Variants in CRACDL observed in about 807,000 individuals in gnomAD.
The protein encoded by CRACDL is CRACD like, also known as CRACD-like protein.
A neutral mutation model predicts 70.6 loss-of-function variants in CRACDL; 26 were observed. The observed-to-expected ratio is 0.37, with a 90% CI of 0.27 to 0.51. The LOEUF (loss-of-function observed/expected upper bound fraction) is 0.51, where lower values mean the gene tolerates loss of function less well. CRACDL is among the 20% of genes least tolerant of loss of function. CRACDL has a pLI of 0.94. For synonymous variants in CRACDL, 618 were observed against 615.2 expected (o/e 1.00, Z -0.07); for missense variants, 1,283 against 1,376.9 (o/e 0.93, Z 1.08).
At chr2:98,912,728 C>G (rs1156672931) in intron 1 of CRACDL, 3 of 152,518 alleles carry the variant, frequency 2.0e-5, no homozygotes, top group Non-Finnish European at 4.4e-5. Context: ...CAAGCCCACG[C>G]TGCACATGCT....
At position 98,823,256 on chromosome 2, in the gene CRACDL, C is replaced by T. The variant is rs1418821500; in HGVS notation, c.1017G>A (p.Pro339=). ...GEDPSSRPAT[P]ELAEPESAPT... is the part of the protein sequence containing the mutation. ...GGGCCGACTCGGGCTCGGCGAGCTCCGGGGTGGCCGGGCGGCTTGAGGGGT... is the reference window on the plus strand; with the variant it reads ...GGGCCGACTCGGGCTCGGCGAGCTCTGGGGTGGCCGGGCGGCTTGAGGGGT... The change falls in exon 7 of 10, where the codon CCG becomes CCA. Residue 339 remains proline, a synonymous_variant. Transcript: ENST00000397899. This position sits in a 1 kb window ranked among gnomAD's most constrained non-coding sequence, Gnocchi z 4.0. 1.4e-6 allele frequency: 2 copies of T among 1,405,280 alleles called. No individual in the cohort carries two copies. The highest frequency in any genetic ancestry group is 1.5e-5 in the African/African-American group (1 of 65,558). 87.1% of individuals were successfully genotyped at this position (1,405,280 alleles called of 1,614,324 possible).
chr2:98,921,746 T>C (rs1473565756), intron 1 of CRACDL, among the ~76,000 whole-genome samples: 1 of 152,204 alleles, frequency 6.6e-6, no homozygotes, highest in Non-Finnish European at 1.5e-5. Flanking sequence ...GAACAGCCTC[T>C]GTCTGAGGTG....
chr2:98,876,360 C>G (rs948446258), intron 1 of CRACDL, among the ~76,000 whole-genome samples: 1 of 151,990 alleles, frequency 6.6e-6, no homozygotes, highest in African/African-American at 2.4e-5. Context: ...CCCCTTGGGC[C>G]GTGGACTGGT....
At chr2:98,837,163 G>T in intron 3 of CRACDL, among the ~76,000 whole-genome samples, 1 of 144,292 alleles carries the variant, frequency 6.9e-6, no homozygotes, top group Admixed American at 7.1e-5. Flanking sequence ...TACATTCCCT[G>T]CTAGCACCAA....
At chr2:98,921,816 G>T (rs1052106198) in intron 1 of CRACDL, among the ~76,000 whole-genome samples, 2 of 152,008 alleles carry the variant, frequency 1.3e-5, no homozygotes, top group Non-Finnish European at 2.9e-5. Flanking sequence ...CCAAGCCACC[G>T]GCCAGCCCCT....
chr2:98,835,215 A>AT (rs1438327872), intron 3 of CRACDL, among the ~76,000 whole-genome samples: 1 of 152,228 alleles, frequency 6.6e-6, no homozygotes, highest in Non-Finnish European at 1.5e-5. Flanking sequence ...TTAATGGTTA[A>AT]TTTTTCTCTT....
chr2:98,809,229 T>G (rs1261763377), intron 7 of CRACDL, among the ~76,000 whole-genome samples: 1 of 151,830 alleles, frequency 6.6e-6, no homozygotes, highest in African/African-American at 2.4e-5. Context: ...AGTAGGGAGA[T>G]CAGCAGGACT....
intron 1 of CRACDL, among the ~76,000 whole-genome samples, chr2:98,858,917 A>G (rs1706822327): frequency 6.6e-6 from 1 of 152,230 alleles, no homozygotes; most frequent in African/African-American, 2.4e-5. Flanking sequence ...CTAGAAAGAC[A>G]CAAACTACTG....
intron 7 of CRACDL, among the ~76,000 whole-genome samples, chr2:98,803,605 T>C (rs763072851): frequency 6.7e-4 from 102 of 152,386 alleles, no homozygotes; most frequent in Non-Finnish European, 1.3e-3. Context: ...CTTCATACTT[T>C]GGCATATGCT....
intron 1 of CRACDL, among the ~76,000 whole-genome samples, chr2:98,912,400 G>A (rs953320105): frequency 1.2e-4 from 19 of 152,308 alleles, no homozygotes; most frequent in African/African-American, 4.6e-4. Context: ...GCTCACACCT[G>A]TCTGCCACTC....
chr2:98,913,759 A>G (rs976168138), intron 1 of CRACDL, among the ~76,000 whole-genome samples: 1 of 152,198 alleles, frequency 6.6e-6, no homozygotes, highest in African/African-American at 2.4e-5. Context: ...GAGCCTCCCC[A>G]GTCGTTAGAA....
chr2:98,928,737 A>G (rs1708994941), intron 1 of CRACDL, among the ~76,000 whole-genome samples: 1 of 152,228 alleles, frequency 6.6e-6, no homozygotes, highest in Non-Finnish European at 1.5e-5. Flanking sequence ...AACACTGGCC[A>G]AGCCTCACAA....
intron 7 of CRACDL, among the ~76,000 whole-genome samples, chr2:98,811,684 T>C (rs1226574222): frequency 6.6e-6 from 1 of 152,142 alleles, no homozygotes; most frequent in Non-Finnish European, 1.5e-5. Context: ...TTCCTTCCCC[T>C]ATGTAACCAG....
chr2:98,872,058 C>G (rs917405136), intron 1 of CRACDL, among the ~76,000 whole-genome samples: 1 of 152,160 alleles, frequency 6.6e-6, no homozygotes, highest in African/African-American at 2.4e-5. Context: ...CTAAGTGAAA[C>G]AACTCAGAAT....
intron 1 of CRACDL, among the ~76,000 whole-genome samples, chr2:98,910,522 A>ACACAGC (rs1708522035): frequency 1.6e-3 from 5 of 3,212 alleles, no homozygotes; most frequent in Non-Finnish European, 3.9e-3. Flanking sequence ...CTCTGTCTCA[A>ACACAGC]AATAAATAAA....
intron 1 of CRACDL, among the ~76,000 whole-genome samples, chr2:98,853,784 C>T (rs966841546): frequency 9.2e-5 from 14 of 152,226 alleles, no homozygotes; most frequent in South Asian, 4.1e-4. Flanking sequence ...TGGCATTTTA[C>T]GTGAAGTGGT....
intron 1 of CRACDL, among the ~76,000 whole-genome samples, chr2:98,883,546 C>A (rs374350695): frequency 2.0e-5 from 3 of 152,190 alleles, no homozygotes; most frequent in African/African-American, 7.2e-5. Context: ...GAGTCATGTA[C>A]GTATCAGGTG....
chr2:98,806,858 C>G (rs75485773), intron 7 of CRACDL, among the ~76,000 whole-genome samples: 1 of 152,168 alleles, frequency 6.6e-6, no homozygotes, highest in Non-Finnish European at 1.5e-5. Flanking sequence ...TGGAATTCTA[C>G]AAGAACTGTC....
rs1411347696 is a variant in CRACDL, at chr2:98,935,949, G to GC, written c.-23dup. The GC allele has an allele frequency of 1.3e-5, 2 of 152,178 alleles. No individual in the cohort carries two copies. Among genetic ancestry groups the GC allele is most frequent in the Non-Finnish European group, 2.9e-5 (2 of 68,042 alleles). 9.4% of individuals were successfully genotyped at this position (152,178 alleles called of 1,614,324 possible). A position where few individuals can be genotyped will look rare whatever the true frequency, so the allele number is the denominator to read the frequency against. The stretch of plus-strand genomic sequence containing the variant: ...ACCCCTCGAGGTACCTGGGACAGGA[G>GC]CGTGGCCCGGGCTCGGCGAGACGCG... On this transcript the variant is annotated 5_prime_UTR_variant, in exon 1 of 10. Transcript: ENST00000397899.
Sources: gnomAD v4.1 joint callset for allele counts (sites outside exome capture counted in the v4.1 genomes callset) on GRCh38, gnomAD v4.1.1 for gene constraint, Gnocchi (gnomAD v3.1) non-coding constraint, MANE v1.5 for transcripts, NCBI Gene and HGNC (gene_info 2026-07-23, HGNC 2026-07-21) for gene names.